Variants in PLCE1 observed in about 807,000 individuals in gnomAD.
The protein encoded by PLCE1 is 1-phosphatidylinositol 4,5-bisphosphate phosphodiesterase epsilon-1.
PLCE1 carries 119 observed loss-of-function variants against 242.8 expected under a neutral mutation model. That is an observed-to-expected ratio of 0.49 (90% CI 0.42 to 0.57). The LOEUF (loss-of-function observed/expected upper bound fraction) is 0.57. Ranked by LOEUF, PLCE1 falls within the 20% of genes least tolerant of loss-of-function variation. The pLI is 0.00. For missense variants in PLCE1, 2,441 were observed against 2,788.8 expected (o/e 0.88, Z 2.81); for synonymous variants, 945 against 1,017.4 (o/e 0.93, Z 1.35).
chr10:94,046,867 GAC>G (rs1289786463), intron 2 of PLCE1, among the ~76,000 whole-genome samples: 4 of 152,134 alleles, frequency 2.6e-5, no homozygotes, highest in Non-Finnish European at 4.4e-5. Context: ...AAGATTAGTA[GAC>G]TTTTATACGT....
intron 2 of PLCE1, among the ~76,000 whole-genome samples, chr10:94,123,555 C>T (rs1447178862): frequency 6.6e-6 from 1 of 152,214 alleles, no homozygotes; most frequent in African/African-American, 2.4e-5. Flanking sequence ...AATTCTCCTC[C>T]CCATCCCTGC....
At chr10:94,022,464 T>A (rs1176606589) in intron 1 of PLCE1, among the ~76,000 whole-genome samples, 1 of 152,096 alleles carries the variant, frequency 6.6e-6, no homozygotes, top group East Asian at 1.9e-4. Flanking sequence ...TATATTTTTC[T>A]TTGCATATAT....
intron 2 of PLCE1, among the ~76,000 whole-genome samples, chr10:94,114,408 G>T (rs1348105985): frequency 6.6e-6 from 1 of 152,206 alleles, no homozygotes; most frequent in Non-Finnish European, 1.5e-5. Flanking sequence ...CTAACAGTCT[G>T]ATCTCTAAGC....
intron 3 of PLCE1, among the ~76,000 whole-genome samples, chr10:94,154,745 C>T (rs931436749): frequency 1.3e-5 from 2 of 151,786 alleles, no homozygotes; most frequent in African/African-American, 4.8e-5. Context: ...AACATCAAAA[C>T]CATAAAGTAC....
chr10:94,016,009 G>A (rs1397471485), intron 1 of PLCE1, among the ~76,000 whole-genome samples: 1 of 152,178 alleles, frequency 6.6e-6, no homozygotes, highest in African/African-American at 2.4e-5. Flanking sequence ...TCAGCTTTTG[G>A]AGGAAACATT....
At chr10:94,131,511 G>T (rs759109788) in intron 2 of PLCE1, among the ~76,000 whole-genome samples, 5 of 152,176 alleles carry the variant, frequency 3.3e-5, no homozygotes, top group Non-Finnish European at 5.9e-5. Flanking sequence ...ACAATGCTTG[G>T]TGAATTCGGG....
At chr10:94,056,606 CT>C (rs1325862972) in intron 2 of PLCE1, among the ~76,000 whole-genome samples, 2 of 151,990 alleles carry the variant, frequency 1.3e-5, no homozygotes, top group East Asian at 3.9e-4. Context: ...ATATATAATG[CT>C]TTTTTTCTTA....
rs572981148 is a variant in PLCE1, at chr10:94,225,007, G to C, written c.1810-2299G>C. ...GGCCCAGTGAAGTCCAGTACAGATGGAGGGCAGAGGCACATGCTGGGAGCC... is the reference window on the plus strand; with the variant it reads ...GGCCCAGTGAAGTCCAGTACAGATGCAGGGCAGAGGCACATGCTGGGAGCC... On this transcript the variant is annotated intron_variant, in intron 4 of 32. Transcript: ENST00000371380. Among the ~76,000 whole-genome samples the C allele has an allele frequency of 4.6e-5, 7 of 152,350 alleles. No homozygotes were observed. In the East Asian group the frequency reaches 1.4e-3, roughly 29 times the overall value.
chr10:94,255,066 A>T lies in PLCE1; in HGVS notation c.3554+17A>T. The T allele has an allele frequency of 6.2e-7, 1 of 1,613,302 alleles. No homozygotes were observed. The highest frequency in any genetic ancestry group is 8.5e-7 in the Non-Finnish European group (1 of 1,179,328). On this transcript the variant is annotated intron_variant, in intron 11 of 32. Coordinates refer to ENST00000371380, the MANE Select transcript of PLCE1 (RefSeq NM_016341.4). The stretch of plus-strand genomic sequence containing the variant: ...CCCATCCAGGTGGGGCCTTAACATG[A>T]TAAAACAGAAGGACCCTTCACATTA...
chr10:94,266,427 CA>C (rs11289753), intron 16 of PLCE1, among the ~76,000 whole-genome samples: 70,618 of 150,896 alleles, frequency 0.47, 16,664 homozygotes, highest in Middle Eastern at 0.62. Flanking sequence ...CTATGGTAAC[CA>C]AAAAAAATGC....
At chr10:94,194,746 T>A (rs1231777594) in intron 4 of PLCE1, among the ~76,000 whole-genome samples, 1 of 152,198 alleles carries the variant, frequency 6.6e-6, no homozygotes, top group Non-Finnish European at 1.5e-5. Context: ...GTTGCAAGAA[T>A]TAAAAGAGAA....
intron 18 of PLCE1, among the ~76,000 whole-genome samples, chr10:94,271,932 T>G (rs2051759246): frequency 6.6e-6 from 1 of 151,416 alleles, no homozygotes; most frequent in South Asian, 2.1e-4. Flanking sequence ...TCAAAAGGGG[T>G]TTACAAACAG....
At chr10:94,022,327 C>T (rs946651308) in intron 1 of PLCE1, among the ~76,000 whole-genome samples, 1 of 151,860 alleles carries the variant, frequency 6.6e-6, no homozygotes, top group African/African-American at 2.4e-5. Context: ...ACATACTTAA[C>T]AAAAGATGTG....
At chr10:94,172,134 C>T (rs530625586) in intron 4 of PLCE1, among the ~76,000 whole-genome samples, 36 of 152,184 alleles carry the variant, frequency 2.4e-4, no homozygotes, top group African/African-American at 6.0e-4. Flanking sequence ...AAAGCCATTG[C>T]GTGGGGGTCT....
At chr10:94,008,936 G>A (rs1013177254) in intron 1 of PLCE1, among the ~76,000 whole-genome samples, 1 of 152,142 alleles carries the variant, frequency 6.6e-6, no homozygotes, top group African/African-American at 2.4e-5. Flanking sequence ...ACCATGGATG[G>A]GTGCTAGAGG....
At chr10:94,130,385 G>A (rs1011609542) in intron 2 of PLCE1, among the ~76,000 whole-genome samples, 1 of 152,102 alleles carries the variant, frequency 6.6e-6, no homozygotes, top group African/African-American at 2.4e-5. Context: ...TTATAGACTT[G>A]CTCAACAGTA....
intron 16 of PLCE1, among the ~76,000 whole-genome samples, chr10:94,268,726 T>C (rs2051602418): frequency 6.6e-6 from 1 of 152,276 alleles, no homozygotes; most frequent in African/African-American, 2.4e-5. Flanking sequence ...ACACTCTTTC[T>C]ACCTTAATCT....
intron 20 of PLCE1, among the ~76,000 whole-genome samples, chr10:94,280,881 T>G (rs1424581904): frequency 6.6e-6 from 1 of 152,204 alleles, no homozygotes; most frequent in Non-Finnish European, 1.5e-5. Flanking sequence ...CCTCCATCAC[T>G]GGTTATACTG....
intron 2 of PLCE1, among the ~76,000 whole-genome samples, chr10:94,042,553 C>G (rs1473405516): frequency 6.6e-6 from 1 of 152,156 alleles, no homozygotes; most frequent in Non-Finnish European, 1.5e-5. Flanking sequence ...ATTCTGTTCT[C>G]TTATTAAATG....
Sources: gnomAD v4.1 joint callset for allele counts (sites outside exome capture counted in the v4.1 genomes callset) on GRCh38, gnomAD v4.1.1 for gene constraint, MANE v1.5 for transcripts, NCBI Gene and HGNC (gene_info 2026-07-23, HGNC 2026-07-21) for gene names.